The following UGT1A8 variants were observed in gnomAD, a reference collection of about 807,000 sequenced individuals.
UGT1A8 encodes the protein UDP-glucuronosyltransferase 1A8.
UGT1A8 carries 39 observed loss-of-function variants against 45.3 expected under a neutral mutation model. The ratio of observed to expected loss-of-function variants is 0.86; its 90% CI spans 0.67 to 1.12. UGT1A8 has a LOEUF of 1.12. Among genes scored for constraint, UGT1A8 ranks in the 50% most tolerant of loss-of-function variants. The pLI, the probability that UGT1A8 is intolerant of heterozygous loss-of-function variation, is 0.00. For synonymous variants in UGT1A8, 275 were observed against 249.2 expected (o/e 1.10, Z -0.97); for missense variants, 719 against 664.9 (o/e 1.08, Z -0.90).
chr2:233,630,528 G>T (rs1374189454), intron 1 of UGT1A8, among the ~76,000 whole-genome samples: 1 of 152,088 alleles, frequency 6.6e-6, no homozygotes, highest in African/African-American at 2.4e-5. Flanking sequence ...GATACCTGAG[G>T]CTGGGTAATT....
intron 1 of UGT1A8, among the ~76,000 whole-genome samples, chr2:233,748,613 G>A (rs1489441058): frequency 2.0e-5 from 3 of 151,820 alleles, no homozygotes; most frequent in African/African-American, 7.3e-5. Flanking sequence ...AGCAACGAAC[G>A]TGGGATATAT....
At chr2:233,716,575 T>A (rs760406565) in intron 1 of UGT1A8, among the ~76,000 whole-genome samples, 1 of 152,244 alleles carries the variant, frequency 6.6e-6, no homozygotes, top group Non-Finnish European at 1.5e-5. Flanking sequence ...TTAAAAACAA[T>A]ACTTTCAAAG....
chr2:233,679,274 A>G (rs886248951), intron 1 of UGT1A8, among the ~76,000 whole-genome samples: 1 of 152,208 alleles, frequency 6.6e-6, no homozygotes, highest in Non-Finnish European at 1.5e-5. Context: ...CTGGCAATGC[A>G]TTTTCTGCCT....
intron 1 of UGT1A8, among the ~76,000 whole-genome samples, chr2:233,697,405 G>A (rs1009403736): frequency 2.0e-5 from 3 of 151,756 alleles, no homozygotes; most frequent in African/African-American, 7.3e-5. Context: ...TTGTATTTCT[G>A]TGGTGTCAGT....
At chr2:233,683,552 C>A (rs1273421240) in intron 1 of UGT1A8, among the ~76,000 whole-genome samples, 1 of 152,072 alleles carries the variant, frequency 6.6e-6, no homozygotes, top group Non-Finnish European at 1.5e-5. Context: ...GTGAGATTGG[C>A]CTTCTTTTGC....
intron 1 of UGT1A8, chr2:233,743,539 T>C (rs34135810): frequency 0.015 from 20,568 of 1,367,214 alleles, 228 homozygotes; most frequent in South Asian, 0.027. Context: ...GCAGTTCCTC[T>C]GACCCCCCCA....
chr2:233,705,497 CT>C (rs1357933630), intron 1 of UGT1A8, among the ~76,000 whole-genome samples: 2 of 151,954 alleles, frequency 1.3e-5, no homozygotes, highest in Non-Finnish European at 2.9e-5. Flanking sequence ...TAATAAATAC[CT>C]TTTTAAGAAT....
rs1402527560 is a variant in UGT1A8, at chr2:233,772,791, CAT to C, written c.*233_*234del. On this transcript the variant is annotated 3_prime_UTR_variant, in exon 5 of 5. Transcript: ENST00000373450. Reference sequence around the variant, plus strand: ...CCTCTGGTGTCTTTGATCAGGATGACATGTGCCATTTTTCAGAGGACGTGCAG... The same window carrying C: ...CCTCTGGTGTCTTTGATCAGGATGACGTGCCATTTTTCAGAGGACGTGCAG... The C allele has an allele frequency of 3.3e-6, 4 of 1,224,574 alleles. No homozygotes were observed. The highest frequency in any genetic ancestry group is 1.7e-5 in the South Asian group (1 of 59,936). The allele number at this position is 1,224,574 out of a possible 1,614,324, so 75.9% of individuals were successfully genotyped here. A position where few individuals can be genotyped will look rare whatever the true frequency, so the allele number is the denominator to read the frequency against.
intron 1 of UGT1A8, among the ~76,000 whole-genome samples, chr2:233,629,081 A>G (rs1401124515): frequency 6.6e-6 from 1 of 152,030 alleles, no homozygotes; most frequent in Non-Finnish European, 1.5e-5. Context: ...TCATCTTCCC[A>G]AACTGAAACT....
chr2:233,766,431 T>C (rs2126025401), intron 1 of UGT1A8, among the ~76,000 whole-genome samples: 1 of 152,314 alleles, frequency 6.6e-6, no homozygotes, highest in Middle Eastern at 3.4e-3. Context: ...GATGTCCAGC[T>C]ACCTGTGTGT....
chr2:233,627,677 C>CTTCCTTCCTTCT (rs1559314063), intron 1 of UGT1A8, among the ~76,000 whole-genome samples: 6 of 120,952 alleles, frequency 5.0e-5, no homozygotes, highest in South Asian at 4.8e-4. Context: ...TCCTTCCTTC[C>CTTCCTTCCTTCT]TTCTTTCTTT....
intron 1 of UGT1A8, among the ~76,000 whole-genome samples, chr2:233,632,066 T>C (rs2073196201): frequency 6.6e-6 from 1 of 152,210 alleles, no homozygotes; most frequent in African/African-American, 2.4e-5. Context: ...TAGCCAGTTT[T>C]CCCAACACCA....
intron 1 of UGT1A8, chr2:233,672,018 A>G: frequency 1.9e-6 from 3 of 1,614,130 alleles, no homozygotes; most frequent in Non-Finnish European, 2.5e-6. Flanking sequence ...CAGGGAAGCT[A>G]CTGGTAGTGC....
intron 1 of UGT1A8, among the ~76,000 whole-genome samples, chr2:233,676,421 C>T (rs897203308): frequency 3.3e-5 from 5 of 152,152 alleles, no homozygotes; most frequent in Non-Finnish European, 7.3e-5. Context: ...CAGTTTCCAC[C>T]ATTGTTAAAT....
At chr2:233,719,629 T>C in intron 1 of UGT1A8, 1 of 1,614,102 alleles carries the variant, frequency 6.2e-7, no homozygotes, top group Admixed American at 1.7e-5. Flanking sequence ...AGGCCGATCA[T>C]GCCCAACATG....
chr2:233,693,495 G>T (rs756909037), intron 1 of UGT1A8: 7 of 1,614,068 alleles, frequency 4.3e-6, no homozygotes, highest in Non-Finnish European at 5.9e-6. Context: ...GAGTATTTGG[G>T]CCTACCATCT....
intron 1 of UGT1A8, among the ~76,000 whole-genome samples, chr2:233,761,633 C>A (rs1697819960): frequency 6.6e-6 from 1 of 152,236 alleles, no homozygotes; most frequent in Non-Finnish European, 1.5e-5. Context: ...CTAAATCCTG[C>A]AGTCCGTTCT....
chr2:233,651,704 A>G (rs1305205614), intron 1 of UGT1A8, among the ~76,000 whole-genome samples: 1 of 152,200 alleles, frequency 6.6e-6, no homozygotes, highest in Non-Finnish European at 1.5e-5. Context: ...AGTTTGTTGT[A>G]TCTTGCTGGA....
intron 1 of UGT1A8, among the ~76,000 whole-genome samples, chr2:233,705,440 G>C (rs72986482): frequency 6.6e-6 from 1 of 152,136 alleles, no homozygotes; most frequent in Admixed American, 6.5e-5. Flanking sequence ...TTATCCTTCA[G>C]AATTGCACAT....
Sources: allele counts gnomAD v4.1 joint callset (sites outside exome capture counted in the v4.1 genomes callset), GRCh38; gene constraint gnomAD v4.1.1; transcripts MANE v1.5; gene names NCBI Gene and HGNC (gene_info 2026-07-23, HGNC 2026-07-21).